TTC34: variants seen among roughly 807,000 people sequenced by gnomAD.
The protein encoded by TTC34 is tetratricopeptide repeat domain 34, also known as tetratricopeptide repeat protein 34.
TTC34 carries 44 observed loss-of-function variants against 40.7 expected under a neutral mutation model. The ratio of observed to expected loss-of-function variants is 1.08; its 90% CI spans 0.85 to 1.39. The LOEUF is 1.39. TTC34 is among the 40% of genes most tolerant of loss of function. TTC34 has a pLI of 0.00. For synonymous variants in TTC34, 422 were observed against 398.6 expected (o/e 1.06, Z -0.70); for missense variants, 884 against 838.0 (o/e 1.05, Z -0.68).
At chr1:2,751,305 C>T (rs1452281130) in intron 6 of TTC34, among the ~76,000 whole-genome samples, 6 of 19,936 alleles carry the variant, frequency 3.0e-4, no homozygotes, top group East Asian at 3.8e-3. Flanking sequence ...GAGCATCCGA[C>T]ACCGTGGAGC....
chr1:2,652,084 C>G (rs867209268), intron 6 of TTC34, among the ~76,000 whole-genome samples: 2 of 106,232 alleles, frequency 1.9e-5, no homozygotes, highest in African/African-American at 3.9e-5. Flanking sequence ...GCACCCACAC[C>G]CCCAGGTGAG....
chr1:2,793,414 G>A (rs755475006), intron 2 of TTC34, among the ~76,000 whole-genome samples: 1 of 152,086 alleles, frequency 6.6e-6, no homozygotes, highest in Non-Finnish European at 1.5e-5. Flanking sequence ...TATTTTGCAA[G>A]CATTTTTCTC....
intron 1 of TTC34, among the ~76,000 whole-genome samples, chr1:2,801,210 T>C (rs1643768479): frequency 6.6e-6 from 1 of 151,886 alleles, no homozygotes; most frequent in Non-Finnish European, 1.5e-5. Flanking sequence ...GGCCCAGCAA[T>C]AGGAACCCCG....
chr1:2,687,435 A>G (rs1640415107), intron 6 of TTC34, among the ~76,000 whole-genome samples: 1 of 150,322 alleles, frequency 6.7e-6, no homozygotes, highest in South Asian at 2.1e-4. Flanking sequence ...GGTCTGGAGC[A>G]GCACCCACAA....
chr1:2,648,763 A>G (rs1252588656), intron 6 of TTC34, among the ~76,000 whole-genome samples: 1 of 141,368 alleles, frequency 7.1e-6, no homozygotes, highest in Non-Finnish European at 1.5e-5. Context: ...AGGTGAGCAC[A>G]GGTGAACATC....
At chr1:2,685,804 G>C (rs1403546061) in intron 6 of TTC34, among the ~76,000 whole-genome samples, 1 of 149,430 alleles carries the variant, frequency 6.7e-6, no homozygotes, top group African/African-American at 2.5e-5. Context: ...CACACCCCCA[G>C]GTGAGCATCT....
Position 2,645,584 on chromosome 1 carries a change from CGGGT to C in TTC34, c.2227-25_2227-22del. On this transcript the variant is annotated intron_variant, in intron 6 of 8. Transcript: ENST00000401095. This position sits in a 1 kb window ranked among gnomAD's most constrained non-coding sequence, Gnocchi z 4.7. Reference sequence around the variant, plus strand: ...GCTTCCTGCAAGGAGGGAGGGCGGGCGGGTGCAGAGTTGTCCTAAGTAGAGAAAC... The same window carrying C: ...GCTTCCTGCAAGGAGGGAGGGCGGGCGCAGAGTTGTCCTAAGTAGAGAAAC... The C allele has an allele frequency of 3.9e-3, 163 of 41,728 alleles. No individual in the cohort carries two copies. The highest frequency in any genetic ancestry group is 5.3e-3 in the Non-Finnish European group (138 of 25,914). 2.6% of individuals were successfully genotyped at this position (41,728 alleles called of 1,614,324 possible). A position where few individuals can be genotyped will look rare whatever the true frequency, so the allele number is the denominator to read the frequency against.
chr1:2,653,188 C>A (rs1639208561), intron 6 of TTC34, among the ~76,000 whole-genome samples: 2 of 152,164 alleles, frequency 1.3e-5, no homozygotes, highest in South Asian at 4.2e-4. Context: ...CATCTGACAG[C>A]CTGGAACAGA....
intron 2 of TTC34, 113 bp downstream of exon 2, chr1:2,799,931 C>G (rs1337078835): frequency 2.5e-6 from 1 of 397,834 alleles, no homozygotes; most frequent in African/African-American, 2.1e-5. Context: ...GTCACTGAGG[C>G]ACCCCAGCCC....
At position 2,687,544 on chromosome 1, in the gene TTC34, C is replaced by A. The variant is rs1389131265; in HGVS notation, c.2227-41981G>T. ...CCCACACCCCCAGGTGAGCATCTGACAGCATGGAGCAGCACGCTGCACCGC... is the reference window on the plus strand; with the variant it reads ...CCCACACCCCCAGGTGAGCATCTGAAAGCATGGAGCAGCACGCTGCACCGC... On this transcript the variant is annotated intron_variant, in intron 6 of 8. Transcript: ENST00000401095. Among the ~76,000 whole-genome samples, 9 of 143,154 alleles carry A rather than the reference C, an allele frequency of 6.3e-5. 2 individuals carry two copies. Among genetic ancestry groups the A allele is most frequent in the African/African-American group, 2.6e-4 (9 of 34,748 alleles). The allele number at this position is 143,154 out of a possible 152,430, so 93.9% of individuals were successfully genotyped here. A position where few individuals can be genotyped will look rare whatever the true frequency, so the allele number is the denominator to read the frequency against.
chr1:2,688,566 C>G lies in TTC34; in HGVS notation c.2227-43003G>C, dbSNP rs1450092418. 2.8e-4 allele frequency among the ~76,000 whole-genome samples: 41 copies of G among 144,778 alleles called. 1 individual carries two copies. Among genetic ancestry groups the G allele is most frequent in the Admixed American group, 2.7e-3 (40 of 14,826 alleles). 95.0% of individuals were successfully genotyped at this position (144,778 alleles called of 152,430 possible). Reference sequence around the variant, plus strand: ...GCACCTGAACCCACGGAGCAGCACCCACACCTTCCGGCGCGCATCCGACAG... The same window carrying G: ...GCACCTGAACCCACGGAGCAGCACCGACACCTTCCGGCGCGCATCCGACAG... On this transcript the variant is annotated intron_variant, in intron 6 of 8. Transcript: ENST00000401095.
At chr1:2,784,158 T>C (rs1643539554) in intron 5 of TTC34, among the ~76,000 whole-genome samples, 1 of 151,868 alleles carries the variant, frequency 6.6e-6, no homozygotes, top group Non-Finnish European at 1.5e-5. Context: ...GTAAGGAGGG[T>C]GAATCTTCTA....
At chr1:2,757,449 A>T (rs1291202188) in intron 6 of TTC34, among the ~76,000 whole-genome samples, 23 of 43,726 alleles carry the variant, frequency 5.3e-4, no homozygotes, top group South Asian at 2.6e-3. Flanking sequence ...AGCATCTGAC[A>T]GCCTGGAGCA....
At chr1:2,652,722 A>C (rs1570754538) in intron 6 of TTC34, among the ~76,000 whole-genome samples, 3 of 145,408 alleles carry the variant, frequency 2.1e-5, no homozygotes, top group African/African-American at 7.8e-5. Context: ...AGGAGCACCC[A>C]CACCCCCAGG....
At chr1:2,701,279 T>A (rs56221638) in intron 6 of TTC34, among the ~76,000 whole-genome samples, 225 of 1,168 alleles carry the variant, frequency 0.19, no homozygotes, top group African/African-American at 0.24. Context: ...AGCATCTGAC[T>A]GCCTGGAGCA....
At chr1:2,774,943 C>G (rs1642949436) in intron 6 of TTC34, 1 of 95,056 alleles carries the variant, frequency 1.1e-5, no homozygotes, top group Non-Finnish European at 2.2e-5. Flanking sequence ...CAGAACCCCA[C>G]TCTTCCAGGT....
At chr1:2,780,824 T>C (rs1009414803) in intron 6 of TTC34, among the ~76,000 whole-genome samples, 5 of 152,214 alleles carry the variant, frequency 3.3e-5, no homozygotes, top group African/African-American at 1.2e-4. Context: ...AGAGATTGCA[T>C]TGAATCTGTA....
rs1200753161 is a variant in TTC34, at chr1:2,694,645, C to A, written c.2227-49082G>T. On this transcript the variant is annotated intron_variant, in intron 6 of 8. Transcript: ENST00000401095. ...AGCACCCACACCTCCCGGCGAGCATCTGACGGCCTGGAACAGCACACACAC... is the reference window on the plus strand; with the variant it reads ...AGCACCCACACCTCCCGGCGAGCATATGACGGCCTGGAACAGCACACACAC... 3.6e-5 allele frequency among the ~76,000 whole-genome samples: 3 copies of A among 84,300 alleles called. 1 individual carries two copies. The highest frequency in any genetic ancestry group is 1.1e-4 in the African/African-American group (3 of 26,292). The allele number at this position is 84,300 out of a possible 152,430, so 55.3% of individuals were successfully genotyped here. A position where few individuals can be genotyped will look rare whatever the true frequency, so the allele number is the denominator to read the frequency against.
exon 2 of TTC34, chr1:2,800,609 G>A (rs542072806): frequency 2.5e-5 from 10 of 398,522 alleles, no homozygotes; most frequent in Admixed American, 1.8e-4. Flanking sequence ...AGTGGATGGC[G>A]GGGATCTGGC....
Sources: allele counts gnomAD v4.1 joint callset (sites outside exome capture counted in the v4.1 genomes callset), GRCh38; gene constraint gnomAD v4.1.1; non-coding constraint Gnocchi (gnomAD v3.1); transcripts MANE v1.5; gene names NCBI Gene and HGNC (gene_info 2026-07-23, HGNC 2026-07-21).